Variants in CDC73 observed in about 807,000 individuals in gnomAD.
CDC73 encodes the protein cell division cycle 73, also known as parafibromin.
CDC73 carries 21 observed loss-of-function variants against 83.7 expected under a neutral mutation model. That is an observed-to-expected ratio of 0.25 (90% confidence interval 0.18 to 0.36). The LOEUF is 0.36. Ranked by LOEUF, CDC73 falls within the 10% of genes least tolerant of loss-of-function variation. The pLI is 1.00. For synonymous variants in CDC73, 224 were observed against 212.9 expected, an observed-to-expected ratio of 1.05 and a Z score of -0.45; for missense variants, 342 against 653.3, an observed-to-expected ratio of 0.52 and a Z score of 5.19.
chr1:193,226,101 A>T (rs896802219), intron 13 of CDC73, among the ~76,000 whole-genome samples: 9 of 152,090 alleles, frequency 5.9e-5, no homozygotes, highest in Non-Finnish European at 1.3e-4. Flanking sequence ...ATTTTTGTAT[A>T]AGGTGAGAGA....
At chr1:193,150,496 T>C in intron 9 of CDC73, 114 bp downstream of exon 9, 1 of 729,488 alleles carries the variant, frequency 1.4e-6, no homozygotes, top group Non-Finnish European at 2.5e-6. Context: ...AGACCAGATC[T>C]TACCCACTGC....
intron 11 of CDC73, among the ~76,000 whole-genome samples, chr1:193,208,318 A>T (rs746440329): frequency 6.6e-6 from 1 of 152,170 alleles, no homozygotes; most frequent in Non-Finnish European, 1.5e-5. Context: ...CCTGGTGTCA[A>T]CCTTTTTATT....
chr1:193,204,289 T>A (rs181500426), intron 11 of CDC73, among the ~76,000 whole-genome samples: 1,242 of 117,898 alleles, frequency 0.011, 5 homozygotes, highest in East Asian at 0.018. Context: ...ATATATATAT[T>A]TTTTTTTTTT....
intron 3 of CDC73, among the ~76,000 whole-genome samples, chr1:193,130,478 T>C (rs976365669): frequency 7.2e-5 from 11 of 152,268 alleles, no homozygotes; most frequent in Non-Finnish European, 1.3e-4. Flanking sequence ...TCAAAGACTT[T>C]GTCTTCGTAA....
chr1:193,201,566 C>T (rs1677092272), intron 10 of CDC73, among the ~76,000 whole-genome samples: 1 of 152,012 alleles, frequency 6.6e-6, no homozygotes, highest in African/African-American at 2.4e-5. Context: ...TAAACCTTTC[C>T]TAGTGACCAG....
chr1:193,141,985 T>A lies in CDC73; in HGVS notation c.648T>A (p.Ala216=), dbSNP rs143149579. The change falls in exon 7 of 17, where the codon GCT becomes GCA. Residue 216 remains alanine (A), a synonymous_variant. Coordinates refer to ENST00000367435, the MANE Select transcript of CDC73 (RefSeq NM_024529.5). The stretch of plus-strand genomic sequence containing the variant: ...TTAAACAGAGGAGTTTTGTGGATGC[T>A]GAGGTAGATGTGACCCGAGATATTG... ...TALKQRSFVD[A]EVDVTRDIVS... 9.3e-6 allele frequency: 15 copies of A among 1,613,894 alleles called. No homozygotes were observed. The African/African-American group carries it at 1.7e-4, about 19-fold the overall frequency.
chr1:193,159,108 C>T (rs1338352137), intron 10 of CDC73, among the ~76,000 whole-genome samples: 1 of 152,032 alleles, frequency 6.6e-6, no homozygotes, highest in Non-Finnish European at 1.5e-5. Flanking sequence ...AATTTTCCCC[C>T]TTGTGATTTT....
At chr1:193,198,046 C>T (rs188323578) in intron 10 of CDC73, among the ~76,000 whole-genome samples, 2 of 151,742 alleles carry the variant, frequency 1.3e-5, no homozygotes, top group African/African-American at 2.4e-5. Context: ...AGTTTTTACT[C>T]AATGTAATAC....
In CDC73 at chr1:193,253,200, T is replaced by A. The variant is rs1380731450; in HGVS notation, c.*2488T>A. On this transcript the variant is annotated 3_prime_UTR_variant, in exon 17 of 17. Coordinates refer to ENST00000367435, the MANE Select transcript of CDC73 (RefSeq NM_024529.5). ...ATTTTAGAATCATTTGGAGAGTTTT[T>A]AAAAATATCCATGCCTGAATCTTGA... The A allele has an allele frequency of 1.3e-5, 3 of 232,424 alleles. No homozygotes were observed. The highest frequency in any genetic ancestry group is 1.8e-4 in the South Asian group (1 of 5,524). 14.4% of individuals were successfully genotyped at this position (232,424 alleles called of 1,614,324 possible). A position where few individuals can be genotyped will look rare whatever the true frequency, so the allele number is the denominator to read the frequency against.
intron 10 of CDC73, chr1:193,181,554 C>A: frequency 6.3e-7 from 1 of 1,584,962 alleles, no homozygotes; most frequent in Non-Finnish European, 8.6e-7. Flanking sequence ...TTCTCCTCCA[C>A]TGAAGCATGT....
At chr1:193,140,465 G>A (rs1424793917) in intron 6 of CDC73, among the ~76,000 whole-genome samples, 1 of 152,148 alleles carries the variant, frequency 6.6e-6, no homozygotes, top group Non-Finnish European at 1.5e-5. Flanking sequence ...CTGAACTCTA[G>A]CCAAGGAGTG....
intron 1 of CDC73, 65 bp downstream of exon 1, chr1:193,122,396 T>A: frequency 6.2e-7 from 1 of 1,605,896 alleles, no homozygotes; most frequent in South Asian, 1.1e-5. Flanking sequence ...AGGCGACCTC[T>A]TTCTTAACCC....
chr1:193,210,794 G>T (rs1216368060), intron 11 of CDC73, among the ~76,000 whole-genome samples: 1 of 151,934 alleles, frequency 6.6e-6, no homozygotes, highest in African/African-American at 2.4e-5. Context: ...GTCATTTTCA[G>T]ATAATATAGA....
At chr1:193,155,804 T>A (rs1233346403) in intron 10 of CDC73, among the ~76,000 whole-genome samples, 1 of 152,022 alleles carries the variant, frequency 6.6e-6, no homozygotes, top group African/African-American at 2.4e-5. Context: ...CCCACTAGAT[T>A]AAACAGATTT....
chr1:193,206,338 C>G (rs1677188740), intron 11 of CDC73, among the ~76,000 whole-genome samples: 1 of 152,156 alleles, frequency 6.6e-6, no homozygotes, highest in Admixed American at 6.5e-5. Context: ...TCCATGTGAA[C>G]TTTCTGCTTT....
chr1:193,173,837 A>G (rs1198992820), intron 10 of CDC73, among the ~76,000 whole-genome samples: 1 of 152,198 alleles, frequency 6.6e-6, no homozygotes, highest in Non-Finnish European at 1.5e-5. Flanking sequence ...CTAATGCATT[A>G]TGTAACATGA....
chr1:193,223,748 T>C (rs1474872492), intron 13 of CDC73, among the ~76,000 whole-genome samples: 2 of 152,136 alleles, frequency 1.3e-5, no homozygotes, highest in Non-Finnish European at 2.9e-5. Context: ...TGAATAGCAG[T>C]CTGCAGTGTT....
At position 193,253,090 on chromosome 1, in the gene CDC73, T is replaced by A. The variant is rs866427443; in HGVS notation, c.*2378T>A. The A allele has an allele frequency of 4.3e-6, 1 of 232,218 alleles. No individual in the cohort carries two copies. The highest frequency in any genetic ancestry group is 8.5e-6 in the Non-Finnish European group (1 of 117,470). 14.4% of individuals were successfully genotyped at this position (232,218 alleles called of 1,614,324 possible). A position where few individuals can be genotyped will look rare whatever the true frequency, so the allele number is the denominator to read the frequency against. On this transcript the variant is annotated 3_prime_UTR_variant, in exon 17 of 17. Transcript: ENST00000367435. ...CCAACCTGTAAAGGAAAAAGTTCTA[T>A]TTCTATATTTATAGGACATTCTTCT... is the stretch of plus-strand genomic sequence containing the variant.
At chr1:193,175,262 T>C (rs1319031570) in intron 10 of CDC73, among the ~76,000 whole-genome samples, 1 of 152,220 alleles carries the variant, frequency 6.6e-6, no homozygotes. Flanking sequence ...GGAAACTGGC[T>C]ATAAAGGTAT....
Sources: gnomAD v4.1 joint callset for allele counts (sites outside exome capture counted in the v4.1 genomes callset) on GRCh38, gnomAD v4.1.1 for gene constraint, MANE v1.5 for transcripts, NCBI Gene and HGNC (gene_info 2026-07-23, HGNC 2026-07-21) for gene names.